The following PHKB variants were observed in gnomAD, a reference collection of about 807,000 sequenced individuals.
PHKB encodes the protein phosphorylase kinase regulatory subunit beta, also known as phosphorylase b kinase regulatory subunit beta.
Under a neutral mutation model 152.1 loss-of-function variants are expected in PHKB, and 122 were observed. That is an observed-to-expected ratio of 0.80 (90% confidence interval 0.69 to 0.93). The LOEUF is 0.93. Ranked by LOEUF, PHKB falls within the 40% of genes least tolerant of loss-of-function variation. The probability of loss-of-function intolerance (pLI) is 0.00; values close to 1 mark genes in which losing one functional copy is unlikely to be tolerated. For synonymous variants in PHKB, 436 were observed against 464.9 expected, an observed-to-expected ratio of 0.94 and a Z score of 0.80; for missense variants, 1,304 against 1,328.4, an observed-to-expected ratio of 0.98 and a Z score of 0.29.
intron 8 of PHKB, among the ~76,000 whole-genome samples, chr16:47,581,766 G>A (rs1035157907): frequency 1.9e-4 from 29 of 152,214 alleles, no homozygotes; most frequent in Non-Finnish European, 4.0e-4. Context: ...TGCGACCTCC[G>A]CCTCCCGGGT....
At chr16:47,654,416 T>C (rs1351704780) in intron 20 of PHKB, among the ~76,000 whole-genome samples, 1 of 152,164 alleles carries the variant, frequency 6.6e-6, no homozygotes, top group Non-Finnish European at 1.5e-5. Context: ...GATCTAGAAC[T>C]GGAAATACCA....
At chr16:47,564,958 CTTT>C (rs35858890) in intron 7 of PHKB, 116 of 210,882 alleles carry the variant, frequency 5.5e-4, no homozygotes, top group Middle Eastern at 3.9e-3. Context: ...GTCTGTGTGT[CTTT>C]TTTTTTTTTT....
chr16:47,652,737 A>G (rs1973260472), intron 20 of PHKB, among the ~76,000 whole-genome samples: 1 of 151,954 alleles, frequency 6.6e-6, no homozygotes, highest in African/African-American at 2.4e-5. Context: ...CGACCACCTA[A>G]GCTCAAGGGA....
intron 1 of PHKB, among the ~76,000 whole-genome samples, chr16:47,481,499 AT>A (rs1274983184): frequency 6.6e-6 from 1 of 152,140 alleles, no homozygotes; most frequent in Non-Finnish European, 1.5e-5. Flanking sequence ...TGATTATTTA[AT>A]TTGCTGATTT....
intron 13 of PHKB, among the ~76,000 whole-genome samples, 161 bp downstream of exon 13, chr16:47,596,692 A>G (rs1257466371): frequency 2.6e-5 from 4 of 152,068 alleles, no homozygotes; most frequent in East Asian, 1.9e-4. Flanking sequence ...TAATATATCT[A>G]TTTCACTGAA....
intron 1 of PHKB, among the ~76,000 whole-genome samples, chr16:47,494,747 T>C (rs187941653): frequency 6.6e-6 from 1 of 152,392 alleles, no homozygotes; most frequent in Non-Finnish European, 1.5e-5. Context: ...TCTGTTATTT[T>C]GTAGCTCTTT....
intron 13 of PHKB, 78 bp downstream of exon 13, chr16:47,596,609 TTA>T (rs1972125152): frequency 7.2e-7 from 1 of 1,389,532 alleles, no homozygotes; most frequent in Non-Finnish European, 1.0e-6. Flanking sequence ...TTGCTGGTGT[TTA>T]TGTTGGATTT....
chr16:47,698,489 G>T lies in PHKB; in HGVS notation c.3045G>T (p.Glu1015Asp), dbSNP rs374397380. 3 of 1,611,316 alleles carry T rather than the reference G, an allele frequency of 1.9e-6. No homozygotes were observed. Among genetic ancestry groups the T allele is most frequent in the Non-Finnish European group, 2.5e-6 (3 of 1,178,000 alleles). Residue 1015 changes from glutamate to aspartate, a missense_variant, in exon 30 of 31, where the codon GAG (glutamate) becomes GAT (aspartate). Physicochemically the swap from Glu to Asp is conservative, Grantham distance 45. Transcript: ENST00000323584. Reference protein sequence around the residue: ...VVSIVLERNPELEFQDKVDLD... With the variant: ...VVSIVLERNPDLEFQDKVDLD... ...CCATTGTACTGGAAAGAAACCCCGA[G>T]CTAGAATTTCAAGACAAAGTAGATC...
intron 15 of PHKB, 152 bp from the exon 16 acceptor site, chr16:47,641,447 C>G (rs1303080819): frequency 1.5e-6 from 1 of 647,814 alleles, no homozygotes; most frequent in Non-Finnish European, 2.8e-6. Context: ...ATATGGGCCT[C>G]TGAAATCTAG....
intron 27 of PHKB, among the ~76,000 whole-genome samples, chr16:47,690,129 C>T (rs1442189612): frequency 6.6e-6 from 1 of 151,996 alleles, no homozygotes; most frequent in Admixed American, 6.6e-5. Context: ...AGAAATAGAC[C>T]CCCAAGTATA....
intron 10 of PHKB, chr16:47,590,536 T>C (rs1353895508): frequency 6.6e-6 from 1 of 152,218 alleles, no homozygotes. Flanking sequence ...GATCCATTTA[T>C]CTCTTAAACA....
intron 1 of PHKB, among the ~76,000 whole-genome samples, chr16:47,477,862 C>T (rs916826695): frequency 6.6e-6 from 1 of 152,132 alleles, no homozygotes; most frequent in African/African-American, 2.4e-5. Flanking sequence ...ATGTTTATTC[C>T]TTCATGCATA....
chr16:47,587,759 C>T lies in PHKB; in HGVS notation c.866C>T (p.Ser289Leu). 1.3e-6 allele frequency: 2 copies of T among 1,598,498 alleles called. No individual in the cohort carries two copies. The highest frequency in any genetic ancestry group is 1.7e-6 in the Non-Finnish European group (2 of 1,165,872). Residue 289 changes from serine to leucine, a missense_variant, in exon 9 of 31, where the codon TCA becomes TTA. Physicochemically the swap from Ser to Leu is moderately radical, Grantham distance 145. Coordinates refer to ENST00000323584, the MANE Select transcript of PHKB (RefSeq NM_000293.3). ...LCSLLPRESRSHNTDAALLPC... is the reference protein window; with the variant it reads ...LCSLLPRESRLHNTDAALLPC... ...TCGCTGTTACCCAGAGAATCAAGAT[C>T]ACATGTGAGACATTTAATAATGATA...
intron 7 of PHKB, chr16:47,565,711 G>T: frequency 6.8e-7 from 1 of 1,469,532 alleles, no homozygotes; most frequent in Non-Finnish European, 9.5e-7. Flanking sequence ...TGTCTCTCCC[G>T]AGGCCATCGT....
chr16:47,634,457 A>AG (rs1462267713), intron 14 of PHKB, among the ~76,000 whole-genome samples: 1 of 152,208 alleles, frequency 6.6e-6, no homozygotes, highest in Non-Finnish European at 1.5e-5. Context: ...CCCTGCCCTC[A>AG]GGGAGGTACT....
chr16:47,512,640 C>T (rs150491890), intron 5 of PHKB, among the ~76,000 whole-genome samples: 270 of 152,230 alleles, frequency 1.8e-3, no homozygotes, highest in African/African-American at 6.2e-3. Context: ...TATACCTATG[C>T]TTAGAACACA....
Position 47,598,360 on chromosome 16 carries a change from A to G in PHKB, c.1363+1829A>G, listed in dbSNP as rs367695869. 5.9e-5 allele frequency among the ~76,000 whole-genome samples: 9 copies of G among 152,284 alleles called. No homozygotes were observed. The South Asian group carries it at 8.3e-4, about 14-fold the overall frequency. On this transcript the variant is annotated intron_variant, in intron 13 of 30. Coordinates refer to ENST00000323584, the MANE Select transcript of PHKB (RefSeq NM_000293.3). ...ACTAAAGAAACTTTACTTTTTGATTATGGTCTCTGCATTGAAGATCTGTAG... is the reference window on the plus strand; with the variant it reads ...ACTAAAGAAACTTTACTTTTTGATTGTGGTCTCTGCATTGAAGATCTGTAG...
At chr16:47,640,269 T>A (rs776480789) in intron 14 of PHKB, among the ~76,000 whole-genome samples, 1 of 152,120 alleles carries the variant, frequency 6.6e-6, no homozygotes, top group Non-Finnish European at 1.5e-5. Flanking sequence ...TATAAAAGAG[T>A]TATGTTTGAT....
chr16:47,560,402 G>A (rs541478100), intron 7 of PHKB, among the ~76,000 whole-genome samples: 57 of 152,298 alleles, frequency 3.7e-4, no homozygotes, highest in South Asian at 1.0e-3. Context: ...AACTATCTTT[G>A]TTGCAGAAAT....
Sources: gnomAD v4.1 joint callset for allele counts (sites outside exome capture counted in the v4.1 genomes callset) on GRCh38, gnomAD v4.1.1 for gene constraint, MANE v1.5 for transcripts, NCBI Gene and HGNC (gene_info 2026-07-23, HGNC 2026-07-21) for gene names.